Variants in DDX10 observed in about 807,000 individuals in gnomAD.
DDX10 encodes the protein probable ATP-dependent RNA helicase DDX10.
In DDX10, 74 loss-of-function variants were observed where a neutral mutation model predicts 104.3. The observed-to-expected ratio is 0.71, with a 90% confidence interval of 0.59 to 0.86. DDX10 has a LOEUF of 0.86. Ranked by LOEUF, DDX10 falls within the 40% of genes least tolerant of loss-of-function variation. The probability of loss-of-function intolerance (pLI) is 0.00; values close to 1 mark genes in which losing one functional copy is unlikely to be tolerated. For missense variants in DDX10, 952 were observed against 1,040.0 expected (o/e 0.92, Z 1.16); for synonymous variants, 351 against 353.4 (o/e 0.99, Z 0.08).
intron 16 of DDX10, among the ~76,000 whole-genome samples, chr11:108,898,201 T>C (rs570761366): frequency 2.6e-5 from 4 of 152,188 alleles, no homozygotes; most frequent in East Asian, 1.9e-4. Flanking sequence ...GATTGGACTT[T>C]CCCAGGACTA....
intron 16 of DDX10, among the ~76,000 whole-genome samples, chr11:108,860,240 C>A (rs190321191): frequency 5.6e-4 from 86 of 152,226 alleles, no homozygotes; most frequent in Non-Finnish European, 1.1e-3. Context: ...TATATATTAT[C>A]ATAGCTTAAA....
chr11:108,680,045 G>A (rs183399974), intron 6 of DDX10, among the ~76,000 whole-genome samples: 290 of 152,236 alleles, frequency 1.9e-3, no homozygotes, highest in African/African-American at 6.6e-3. Flanking sequence ...GTACTAATGT[G>A]TTATGGAACA....
At chr11:108,866,605 G>A (rs879479457) in intron 16 of DDX10, among the ~76,000 whole-genome samples, 4 of 152,170 alleles carry the variant, frequency 2.6e-5, no homozygotes, top group Non-Finnish European at 5.9e-5. Context: ...CCAAAACTTG[G>A]CATATATCAT....
chr11:108,921,292 A>G (rs1863822224), intron 17 of DDX10: 2 of 152,196 alleles, frequency 1.3e-5, no homozygotes, highest in Admixed American at 1.3e-4. Flanking sequence ...AAGATTGTAT[A>G]TACTAGAATT....
chr11:108,811,547 A>G (rs964006020), intron 13 of DDX10, among the ~76,000 whole-genome samples: 1 of 152,252 alleles, frequency 6.6e-6, no homozygotes, highest in Non-Finnish European at 1.5e-5. Context: ...GATCTGGCAT[A>G]TAGCACATAA....
chr11:108,882,805 A>G lies in DDX10; in HGVS notation c.2304+30596A>G, dbSNP rs138346878. 3.3e-3 allele frequency among the ~76,000 whole-genome samples: 507 copies of G among 152,344 alleles called. 5 individuals carry two copies. The highest frequency in any genetic ancestry group is 0.012 in the African/African-American group (486 of 41,582). ...AAATGCTCTTGGAAGAAAGGACATT[A>G]AACTATACACGATACTATGCTTTTT... On this transcript the variant is annotated intron_variant, in intron 16 of 17. Transcript: ENST00000322536.
intron 16 of DDX10, among the ~76,000 whole-genome samples, chr11:108,907,709 T>C (rs962224415): frequency 6.6e-6 from 1 of 152,132 alleles, no homozygotes; most frequent in African/African-American, 2.4e-5. Flanking sequence ...ATCCCCATAA[T>C]TGTAGGGGAT....
intron 3 of DDX10, 105 bp downstream of exon 3, chr11:108,675,831 A>T: frequency 1.4e-6 from 2 of 1,409,968 alleles, no homozygotes; most frequent in Non-Finnish European, 1.9e-6. Flanking sequence ...AGATTTCATG[A>T]TAGATTGGCT....
chr11:108,758,362 A>G (rs774799901), intron 13 of DDX10, among the ~76,000 whole-genome samples: 5 of 152,094 alleles, frequency 3.3e-5, no homozygotes, highest in African/African-American at 9.7e-5. Context: ...TTAGCAGTAA[A>G]ACTTCTGGCT....
chr11:108,666,275 C>T (rs12807088), intron 1 of DDX10, among the ~76,000 whole-genome samples: 3,811 of 152,198 alleles, frequency 0.025, 66 homozygotes, highest in Middle Eastern at 0.061. Context: ...GTCAGGAGTT[C>T]GAGACCAGCC....
At chr11:108,711,737 T>C (rs1471135998) in intron 10 of DDX10, among the ~76,000 whole-genome samples, 9 of 152,260 alleles carry the variant, frequency 5.9e-5, no homozygotes, top group Non-Finnish European at 1.0e-4. Flanking sequence ...GAATGTGTTT[T>C]ATTTTGGTGA....
chr11:108,797,297 G>C (rs529329684), intron 13 of DDX10, among the ~76,000 whole-genome samples: 1 of 152,258 alleles, frequency 6.6e-6, no homozygotes, highest in East Asian at 1.9e-4. Flanking sequence ...CTCCCAAAGT[G>C]TTGGGATTAC....
chr11:108,771,384 G>C (rs904843851), intron 13 of DDX10, among the ~76,000 whole-genome samples: 1 of 151,342 alleles, frequency 6.6e-6, no homozygotes, highest in Non-Finnish European at 1.5e-5. Context: ...TTTTGAGATG[G>C]AGTCTCACTC....
intron 16 of DDX10, among the ~76,000 whole-genome samples, chr11:108,855,872 A>C (rs1372985730): frequency 2.0e-5 from 3 of 152,216 alleles, no homozygotes; most frequent in Non-Finnish European, 4.4e-5. Flanking sequence ...AGTTGCTTTG[A>C]CTATATTAAA....
At position 108,791,939 on chromosome 11, in the gene DDX10, T is replaced by C. The variant is rs577517227; in HGVS notation, c.1966-46507T>C. Among the ~76,000 whole-genome samples, 367 of 152,332 alleles carry C rather than the reference T, an allele frequency of 2.4e-3. 2 individuals carry two copies. Among genetic ancestry groups the C allele is most frequent in the South Asian group, 0.016 (78 of 4,834 alleles). On this transcript the variant is annotated intron_variant, in intron 13 of 17. Coordinates refer to ENST00000322536, the MANE Select transcript of DDX10 (RefSeq NM_004398.4). Reference sequence around the variant, plus strand: ...GATAGTTCTAGTTGTTCTTCATCATTGCAAGCTCTTGGTATTGTCATTTAA... The same window carrying C: ...GATAGTTCTAGTTGTTCTTCATCATCGCAAGCTCTTGGTATTGTCATTTAA...
At chr11:108,856,080 G>A (rs888152989) in intron 16 of DDX10, among the ~76,000 whole-genome samples, 2 of 152,148 alleles carry the variant, frequency 1.3e-5, no homozygotes, top group Non-Finnish European at 2.9e-5. Context: ...CAGAAAAGTA[G>A]TGTTGAAGTT....
chr11:108,931,417 G>A (rs899705919), intron 17 of DDX10, among the ~76,000 whole-genome samples: 1 of 152,100 alleles, frequency 6.6e-6, no homozygotes, highest in African/African-American at 2.4e-5. Context: ...GGTTTAAATC[G>A]GGTCAGACTG....
chr11:108,940,499 T>G lies in DDX10; in HGVS notation c.*76T>G. ...GCAAGAAGTTGAAAAACAGTTGATT[T>G]GGGGGCACTTAGGTACCATATGCCC... On this transcript the variant is annotated 3_prime_UTR_variant, in exon 18 of 18. Coordinates refer to ENST00000322536, the MANE Select transcript of DDX10 (RefSeq NM_004398.4). 1 of 1,509,542 alleles carries G rather than the reference T, an allele frequency of 6.6e-7. No homozygotes were observed. Among genetic ancestry groups the G allele is most frequent in the Non-Finnish European group, 9.0e-7 (1 of 1,112,380 alleles). 93.5% of individuals were successfully genotyped at this position (1,509,542 alleles called of 1,614,324 possible). A position where few individuals can be genotyped will look rare whatever the true frequency, so the allele number is the denominator to read the frequency against.
chr11:108,723,470 T>C lies in DDX10; in HGVS notation c.1965+8T>C. 3 of 1,604,958 alleles carry C rather than the reference T, an allele frequency of 1.9e-6. No individual in the cohort carries two copies. Among genetic ancestry groups the C allele is most frequent in the Non-Finnish European group, 2.6e-6 (3 of 1,175,924 alleles). ...GACGAGAAAACATTACAGGTAAGTTTACTCCCAGTGGAGGGTCTTCTATTA... is the reference window on the plus strand; with the variant it reads ...GACGAGAAAACATTACAGGTAAGTTCACTCCCAGTGGAGGGTCTTCTATTA... On this transcript the variant is annotated splice_region_variant and intron_variant, in intron 13 of 17. Transcript: ENST00000322536.
Sources: gnomAD v4.1 joint callset for allele counts (sites outside exome capture counted in the v4.1 genomes callset) on GRCh38, gnomAD v4.1.1 for gene constraint, MANE v1.5 for transcripts, NCBI Gene and HGNC (gene_info 2026-07-23, HGNC 2026-07-21) for gene names.